Variants in KCNA6 observed in about 807,000 individuals in gnomAD.
The protein encoded by KCNA6 is potassium voltage-gated channel subfamily A member 6.
In KCNA6, 17 loss-of-function variants were observed where a neutral mutation model predicts 29.5. That is an observed-to-expected ratio of 0.58 (90% CI 0.39 to 0.86). The LOEUF is 0.86. KCNA6 is among the 40% of genes least tolerant of loss of function. The pLI is 0.00. For missense variants in KCNA6, 450 were observed against 703.4 expected, an observed-to-expected ratio of 0.64 and a Z score of 4.07; for synonymous variants, 296 against 304.7, an observed-to-expected ratio of 0.97 and a Z score of 0.30.
chr12:4,842,738 A>G, the KCNA6 span: 2 of 152,224 alleles, frequency 1.3e-5, no homozygotes, highest in Non-Finnish European at 2.9e-5. Context: ...ACTTCCCACC[A>G]GGTTCCGCCC....
chr12:4,821,456 G>GTGTGTA, the KCNA6 span, among the ~76,000 whole-genome samples: 1 of 132,784 alleles, frequency 7.5e-6, no homozygotes. Flanking sequence ...GTGTGTGTGT[G>GTGTGTA]TGTGTTTTGT....
chr12:4,846,737 G>C, the KCNA6 span, among the ~76,000 whole-genome samples: 29 of 139,750 alleles, frequency 2.1e-4, no homozygotes, highest in Middle Eastern at 7.8e-3. Context: ...GTCTAGGCCT[G>C]TTGCTTCACC....
At chr12:4,840,777 A>G in the KCNA6 span, among the ~76,000 whole-genome samples, 5 of 152,212 alleles carry the variant, frequency 3.3e-5, no homozygotes, top group African/African-American at 1.2e-4. Flanking sequence ...AGTGGAGCCC[A>G]TTTAGGGATG....
the KCNA6 span, among the ~76,000 whole-genome samples, chr12:4,820,008 C>T: frequency 5.3e-5 from 8 of 152,166 alleles, no homozygotes; most frequent in Admixed American, 1.3e-4. Flanking sequence ...CACCAAACAC[C>T]CATCCGAGAG....
In KCNA6 at chr12:4,813,135, T is replaced by TTA. The variant is rs1555075712; in HGVS notation, c.*1504_*1505insTA. On this transcript the variant is annotated 3_prime_UTR_variant, in exon 1 of 1. Coordinates refer to ENST00000280684, the Ensembl canonical transcript of KCNA6. ...GACTCTTTGATGATAATTTTTTTTT[T>TTA]AAAAATTATTCTCTCGAAGAGCAAC... 1.2e-3 allele frequency: 195 copies of TTA among 166,826 alleles called. 1 individual carries two copies. The highest frequency in any genetic ancestry group is 3.4e-3 in the Middle Eastern group (1 of 296). The allele number at this position is 166,826 out of a possible 1,614,324, so 10.3% of individuals were successfully genotyped here.
At chr12:4,842,311 A>G in the KCNA6 span, among the ~76,000 whole-genome samples, 3 of 152,116 alleles carry the variant, frequency 2.0e-5, no homozygotes, top group African/African-American at 7.2e-5. Context: ...TGATGACAGA[A>G]ACATGGTAAG....
rs1413370480 is a variant in KCNA6, at chr12:4,811,084, G to C, written c.1043G>C (p.Arg348Pro). 1 of 1,613,478 alleles carries C rather than the reference G, an allele frequency of 6.2e-7. No individual in the cohort carries two copies. The highest frequency in any genetic ancestry group is 1.3e-5 in the African/African-American group (1 of 74,894). Residue 348 changes from arginine (R) to proline (P), a missense_variant, in exon 1 of 1, where the codon CGG becomes CCG. This residue lies in a region of KCNA6 where 12 missense variants were observed against 64.4 expected (regional missense o/e 0.19). Transcript: ENST00000280684. The surrounding 1 kb of genome is among the most constrained non-coding windows in gnomAD (Gnocchi z 7.1). Reference sequence around the variant, plus strand: ...ATCCTCCGAGTCATCCGCCTGGTCCGGGTGTTCCGCATCTTCAAGCTCTCC... The same window carrying C: ...ATCCTCCGAGTCATCCGCCTGGTCCCGGTGTTCCGCATCTTCAAGCTCTCC...
the KCNA6 span, among the ~76,000 whole-genome samples, chr12:4,831,118 C>T: frequency 6.6e-6 from 1 of 152,212 alleles, no homozygotes; most frequent in African/African-American, 2.4e-5. Context: ...TATACAACAA[C>T]CCTAAGTGGC....
chr12:4,845,485 C>T, the KCNA6 span, among the ~76,000 whole-genome samples: 8 of 152,166 alleles, frequency 5.3e-5, no homozygotes, highest in African/African-American at 9.7e-5. Flanking sequence ...TCCGCAGTCA[C>T]GTTACGTGCA....
chr12:4,838,806 AGAGT>A, the KCNA6 span: 1 of 144,946 alleles, frequency 6.9e-6, no homozygotes, highest in East Asian at 1.9e-4. Flanking sequence ...CTCTGTGCAC[AGAGT>A]GAGAAAGAGC....
the KCNA6 span, among the ~76,000 whole-genome samples, chr12:4,848,603 C>T: frequency 2.0e-5 from 3 of 151,980 alleles, no homozygotes; most frequent in South Asian, 4.2e-4. Context: ...GGCTCGATCT[C>T]GGCTCACCGC....
At chr12:4,832,904 A>G in the KCNA6 span, among the ~76,000 whole-genome samples, 1 of 151,194 alleles carries the variant, frequency 6.6e-6, no homozygotes, top group Non-Finnish European at 1.5e-5. Context: ...CTAGAGATAC[A>G]TGTGCCACCA....
chr12:4,844,691 ACT>A, the KCNA6 span, among the ~76,000 whole-genome samples: 1 of 151,812 alleles, frequency 6.6e-6, no homozygotes, highest in South Asian at 2.1e-4. The surrounding 1 kb of genome is among the most constrained non-coding windows in gnomAD (Gnocchi z 4.0). Context: ...AAGGACTGTG[ACT>A]CTGCATGATG....
In KCNA6 at chr12:4,810,115, C is replaced by A. The variant is rs770209419; in HGVS notation, c.74C>A (p.Ala25Glu). ...GGGCCGGAGGGAGAGCAACAGGATG[C>A]GGGAGACTTCCCGGAGGCCGGCGGG... The change falls in exon 1 of 1, where the codon GCG becomes GAG. Residue 25 changes from alanine (A) to glutamate (E), a missense_variant. Physicochemically the swap from Ala to Glu is moderately radical, Grantham distance 107. Transcript: ENST00000280684. This position sits in a 1 kb window ranked among gnomAD's most constrained non-coding sequence, Gnocchi z 7.5. 6.3e-7 allele frequency: 1 copy of A among 1,586,742 alleles called. No individual in the cohort carries two copies. The highest frequency in any genetic ancestry group is 8.6e-7 in the Non-Finnish European group (1 of 1,168,936).
chr12:4,844,576 C>G, the KCNA6 span, among the ~76,000 whole-genome samples: 5 of 152,080 alleles, frequency 3.3e-5, no homozygotes, highest in Admixed American at 3.3e-4. The surrounding 1 kb of genome is among the most constrained non-coding windows in gnomAD (Gnocchi z 4.0). Context: ...AGGAACAGAA[C>G]AGCAAAGGGG....
chr12:4,816,841 A>C (rs2137583168), downstream of KCNA6, among the ~76,000 whole-genome samples: 1 of 152,100 alleles, frequency 6.6e-6, no homozygotes, highest in East Asian at 1.9e-4. Context: ...CCTTTCAATG[A>C]TTCTCTCCCA....
chr12:4,831,390 G>A, the KCNA6 span, among the ~76,000 whole-genome samples: 18 of 152,220 alleles, frequency 1.2e-4, no homozygotes, highest in African/African-American at 2.9e-4. Flanking sequence ...GCTTGACCCC[G>A]TCCTGCTGAC....
At chr12:4,833,520 C>G in the KCNA6 span, among the ~76,000 whole-genome samples, 1 of 152,142 alleles carries the variant, frequency 6.6e-6, no homozygotes, top group East Asian at 1.9e-4. Context: ...GACTCTGCCT[C>G]TTCGTGGGAG....
chr12:4,820,971 T>G, the KCNA6 span, among the ~76,000 whole-genome samples: 6 of 152,170 alleles, frequency 3.9e-5, no homozygotes, highest in African/African-American at 1.4e-4. Context: ...CAAGGGGTTA[T>G]CTGAGTCTTC....
Sources: gnomAD v4.1 joint callset for allele counts (sites outside exome capture counted in the v4.1 genomes callset) on GRCh38, gnomAD v4.1.1 for gene constraint, gnomAD v4.1.1 regional missense constraint, Gnocchi (gnomAD v3.1) non-coding constraint, MANE v1.5 for transcripts, NCBI Gene and HGNC (gene_info 2026-07-23, HGNC 2026-07-21) for gene names.